Variants in GRK1 observed in about 807,000 individuals in gnomAD.
The protein encoded by GRK1 is G protein-coupled receptor kinase 1.
GRK1 carries 28 observed loss-of-function variants against 41.7 expected under a neutral mutation model. The observed-to-expected ratio is 0.67, with a 90% CI of 0.50 to 0.92. GRK1 has a LOEUF of 0.92. Ranked by LOEUF, GRK1 falls within the 40% of genes least tolerant of loss-of-function variation. The pLI, the probability that GRK1 is intolerant of heterozygous loss-of-function variation, is 0.00. For missense variants in GRK1, 703 were observed against 671.2 expected (o/e 1.05, Z -0.52); for synonymous variants, 327 against 286.7 (o/e 1.14, Z -1.42).
intron 6 of GRK1, among the ~76,000 whole-genome samples, chr13:113,733,781 G>A (rs371011524): frequency 3.8e-5 from 4 of 103,904 alleles, no homozygotes; most frequent in Admixed American, 1.9e-4. Flanking sequence ...GTGCATACGT[G>A]TGTGCATGTG....
At chr13:113,654,291 A>G in the GRK1 span, among the ~76,000 whole-genome samples, 1 of 152,230 alleles carries the variant, frequency 6.6e-6, no homozygotes. Flanking sequence ...CTTGCTCTGC[A>G]CACCGATGGG....
the GRK1 span, among the ~76,000 whole-genome samples, chr13:113,656,042 C>T: frequency 4.6e-5 from 7 of 152,382 alleles, no homozygotes; most frequent in East Asian, 3.9e-4. Flanking sequence ...CTTTCCCCGC[C>T]GGGCGTCCCT....
At position 113,735,537 on chromosome 13, in the gene GRK1, T is replaced by C; in HGVS notation, c.*174T>C. On this transcript the variant is annotated 3_prime_UTR_variant, in exon 7 of 7. Coordinates refer to ENST00000335678, the MANE Select transcript of GRK1 (RefSeq NM_002929.3). ...AAGGAGGAGAAAGCCCACATCGGCC[T>C]GAGCCGCCAGACGCACATGCTGGTG... 1.5e-6 allele frequency: 1 copy of C among 647,648 alleles called. No homozygotes were observed. Among genetic ancestry groups the C allele is most frequent in the Non-Finnish European group, 2.4e-6 (1 of 412,506 alleles). The allele number at this position is 647,648 out of a possible 1,614,324, so 40.1% of individuals were successfully genotyped here. A position where few individuals can be genotyped will look rare whatever the true frequency, so the allele number is the denominator to read the frequency against.
rs926545690 is a variant in GRK1 at position 113,671,430 on chromosome 13, G to C, written c.828-69G>C. The stretch of plus-strand genomic sequence containing the variant: ...CGAGAGACATGGTTCTGAGGCCCCA[G>C]CTCTGTCTTTCCATGATTTTACTCC... On this transcript the variant is annotated intron_variant, in intron 2 of 6. Transcript: ENST00000335678. This position sits in a 1 kb window ranked among gnomAD's most constrained non-coding sequence, Gnocchi z 4.1. 1 of 767,504 alleles carries C rather than the reference G, an allele frequency of 1.3e-6. No individual in the cohort carries two copies. The highest frequency in any genetic ancestry group is 2.4e-6 in the Non-Finnish European group (1 of 415,836). The allele number at this position is 767,504 out of a possible 1,614,324, so 47.5% of individuals were successfully genotyped here.
At chr13:113,654,335 G>C in the GRK1 span, among the ~76,000 whole-genome samples, 1 of 152,210 alleles carries the variant, frequency 6.6e-6, no homozygotes, top group Non-Finnish European at 1.5e-5. Flanking sequence ...CGACTCGGAT[G>C]CCTGTTCCTC....
At chr13:113,729,288 G>A (rs2049916486) in intron 4 of GRK1, among the ~76,000 whole-genome samples, 3 of 152,336 alleles carry the variant, frequency 2.0e-5, no homozygotes, top group Admixed American at 1.3e-4. Flanking sequence ...AGGCTCCATC[G>A]CTCCCTGATC....
intron 6 of GRK1, among the ~76,000 whole-genome samples, chr13:113,733,443 C>A (rs1047167525): frequency 6.6e-6 from 1 of 150,726 alleles, no homozygotes; most frequent in African/African-American, 2.4e-5. Flanking sequence ...GTCATCCACC[C>A]ACCAGCACTT....
At chr13:113,663,793 C>T (rs2049802382), upstream of GRK1, among the ~76,000 whole-genome samples, 1 of 152,180 alleles carries the variant, frequency 6.6e-6, no homozygotes, top group Admixed American at 6.5e-5. Flanking sequence ...ACTGTGGCAG[C>T]GCTAAACTCT....
At chr13:113,729,534 T>G (rs1004046938) in intron 4 of GRK1, among the ~76,000 whole-genome samples, 2 of 152,186 alleles carry the variant, frequency 1.3e-5, no homozygotes, top group African/African-American at 4.8e-5. Context: ...GCTGGAAGAC[T>G]GATGATGGGT....
At position 113,667,803 on chromosome 13, in the gene GRK1, G is replaced by A; in HGVS notation, c.417G>A (p.Val139=). The part of the protein sequence containing the change: ...GIVAKFKEGP[V]EIQDGLFQPL... ...TGGCGAAGTTTAAGGAGGGGCCTGTGGAGATCCAGGACGGGCTCTTCCAGC... is the reference window on the plus strand; with the variant it reads ...TGGCGAAGTTTAAGGAGGGGCCTGTAGAGATCCAGGACGGGCTCTTCCAGC... Residue 139 remains valine, a synonymous_variant, in exon 1 of 7, where the codon GTG becomes GTA. Transcript: ENST00000335678. The surrounding 1 kb of genome is among the most constrained non-coding windows in gnomAD (Gnocchi z 7.5). The A allele has an allele frequency of 6.2e-7, 1 of 1,606,528 alleles. No individual in the cohort carries two copies. Among genetic ancestry groups the A allele is most frequent in the Non-Finnish European group, 8.5e-7 (1 of 1,175,210 alleles).
At chr13:113,724,328 A>G (rs966035355) in intron 4 of GRK1, among the ~76,000 whole-genome samples, 3 of 152,236 alleles carry the variant, frequency 2.0e-5, no homozygotes, top group Non-Finnish European at 1.5e-5. Flanking sequence ...TCTCCTCCGC[A>G]GTCTTGAGGG....
At chr13:113,648,503 T>G in the GRK1 span, among the ~76,000 whole-genome samples, 1 of 152,228 alleles carries the variant, frequency 6.6e-6, no homozygotes, top group African/African-American at 2.4e-5. Flanking sequence ...CTCACTGCTG[T>G]CTGGGTGAGA....
At chr13:113,733,702 T>C (rs559970416) in intron 6 of GRK1, among the ~76,000 whole-genome samples, 2 of 144,914 alleles carry the variant, frequency 1.4e-5, no homozygotes, top group Non-Finnish European at 3.0e-5. Context: ...CATACATGTG[T>C]GCGTGTGTGC....
At chr13:113,649,507 G>T in the GRK1 span, 1 of 1,542,914 alleles carries the variant, frequency 6.5e-7, no homozygotes, top group South Asian at 1.2e-5. The surrounding 1 kb of genome is among the most constrained non-coding windows in gnomAD (Gnocchi z 4.7). Flanking sequence ...GAGGAGCTTC[G>T]CTGCCACCAG....
chr13:113,663,100 T>A (rs569618291), upstream of GRK1, among the ~76,000 whole-genome samples: 64 of 152,320 alleles, frequency 4.2e-4, no homozygotes, highest in African/African-American at 1.4e-3. Context: ...GCTTATTATG[T>A]AGCTGTGGTG....
rs969717366 is a variant in GRK1, at chr13:113,731,584, C to A, written c.1194+241C>A. On this transcript the variant is annotated intron_variant, in intron 5 of 6. Coordinates refer to ENST00000335678, the MANE Select transcript of GRK1 (RefSeq NM_002929.3). The surrounding 1 kb of genome is among the most constrained non-coding windows in gnomAD (Gnocchi z 5.6). ...GGAGGGGCTGAGGGATTCCCAGTCA[C>A]CCTGTGCCCCAGAGCAAGCAGACCC... 2.0e-5 allele frequency among the ~76,000 whole-genome samples: 3 copies of A among 152,156 alleles called. No homozygotes were observed. The highest frequency in any genetic ancestry group is 4.4e-5 in the Non-Finnish European group (3 of 68,016).
rs1001154692 is a variant in GRK1 at position 113,671,350 on chromosome 13, G to A, written c.828-149G>A. The stretch of plus-strand genomic sequence containing the variant: ...CGCCGCCAGCCACCATGGCCTTCGG[G>A]TGTCCTCTGCAGGGACGTAGGGGGG... On this transcript the variant is annotated intron_variant, in intron 2 of 6. Coordinates refer to ENST00000335678, the MANE Select transcript of GRK1 (RefSeq NM_002929.3). This position sits in a 1 kb window ranked among gnomAD's most constrained non-coding sequence, Gnocchi z 4.1. The A allele has an allele frequency of 2.9e-5, 19 of 645,454 alleles. No homozygotes were observed. The highest frequency in any genetic ancestry group is 3.9e-5 in the Non-Finnish European group (14 of 357,030). The allele number at this position is 645,454 out of a possible 1,614,324, so 40.0% of individuals were successfully genotyped here.
chr13:113,729,914 A>G lies in GRK1; in HGVS notation c.1070-1305A>G, dbSNP rs1238467971. On this transcript the variant is annotated intron_variant, in intron 4 of 6. Coordinates refer to ENST00000335678, the MANE Select transcript of GRK1 (RefSeq NM_002929.3). The stretch of plus-strand genomic sequence containing the variant: ...GGAGACAGTCCCCGCGGCTGCACCC[A>G]GACCCATCCCTCCATCCCAAGACAG... Among the ~76,000 whole-genome samples the G allele has an allele frequency of 7.0e-5, 10 of 143,822 alleles. No individual in the cohort carries two copies. The South Asian group carries it at 1.6e-3, about 23-fold the overall frequency. 94.4% of individuals were successfully genotyped at this position (143,822 alleles called of 152,430 possible). A position where few individuals can be genotyped will look rare whatever the true frequency, so the allele number is the denominator to read the frequency against.
chr13:113,656,153 G>T, the GRK1 span, among the ~76,000 whole-genome samples: 1 of 152,200 alleles, frequency 6.6e-6, no homozygotes, highest in Non-Finnish European at 1.5e-5. Flanking sequence ...GAGGGTTTCT[G>T]TCCTGTCACT....
Sources: gnomAD v4.1 joint callset for allele counts (sites outside exome capture counted in the v4.1 genomes callset) on GRCh38, gnomAD v4.1.1 for gene constraint, Gnocchi (gnomAD v3.1) non-coding constraint, MANE v1.5 for transcripts, NCBI Gene and HGNC (gene_info 2026-07-23, HGNC 2026-07-21) for gene names.